MAML3: variants seen among roughly 807,000 people sequenced by gnomAD.
MAML3 encodes the protein mastermind like transcriptional coactivator 3, also known as mastermind-like protein 3.
A neutral mutation model predicts 101.9 loss-of-function variants in MAML3; 27 were observed. The ratio of observed to expected loss-of-function variants is 0.27; its 90% CI spans 0.20 to 0.37. The LOEUF is 0.37. MAML3 is among the 10% of genes least tolerant of loss of function. MAML3 has a pLI of 1.00. For synonymous variants in MAML3, 501 were observed against 555.9 expected, an observed-to-expected ratio of 0.90 and a Z score of 1.39; for missense variants, 1,316 against 1,444.9, an observed-to-expected ratio of 0.91 and a Z score of 1.45.
At chr4:140,053,577 A>T (rs987986732) in intron 1 of MAML3, among the ~76,000 whole-genome samples, 1 of 152,178 alleles carries the variant, frequency 6.6e-6, no homozygotes, top group Non-Finnish European at 1.5e-5. Context: ...AACAAAACCA[A>T]ACATGGTAAC....
At chr4:139,895,888 C>T (rs1732595998) in intron 1 of MAML3, among the ~76,000 whole-genome samples, 1 of 152,212 alleles carries the variant, frequency 6.6e-6, no homozygotes, top group Admixed American at 6.5e-5. Flanking sequence ...GCCTAAAGTT[C>T]TCCACTGCAT....
chr4:140,129,266 T>C (rs184855902), intron 1 of MAML3, among the ~76,000 whole-genome samples: 3 of 152,296 alleles, frequency 2.0e-5, no homozygotes, highest in Admixed American at 1.3e-4. Flanking sequence ...AGCCCCCTTC[T>C]AGGCCATGAC....
intron 1 of MAML3, among the ~76,000 whole-genome samples, chr4:140,092,456 C>T (rs1163622098): frequency 2.0e-5 from 3 of 152,064 alleles, no homozygotes; most frequent in African/African-American, 7.2e-5. Flanking sequence ...ACCGAGAAGC[C>T]CTCCTCCAAT....
At chr4:140,141,657 C>A (rs2111054584) in intron 1 of MAML3, among the ~76,000 whole-genome samples, 1 of 152,306 alleles carries the variant, frequency 6.6e-6, no homozygotes, top group Non-Finnish European at 1.5e-5. Context: ...AGTAAAACCT[C>A]TTTAAGGGCC....
chr4:139,939,809 G>C (rs1449574646), intron 1 of MAML3, among the ~76,000 whole-genome samples: 1 of 145,110 alleles, frequency 6.9e-6, no homozygotes, highest in African/African-American at 2.6e-5. Flanking sequence ...CTATCATCCA[G>C]GCTGGAGTGC....
intron 2 of MAML3, among the ~76,000 whole-genome samples, chr4:139,861,363 C>G (rs1422062673): frequency 1.3e-5 from 2 of 152,078 alleles, no homozygotes; most frequent in East Asian, 3.9e-4. Flanking sequence ...TAATTTTTCT[C>G]TCTGCTCCTC....
At chr4:140,067,056 A>G (rs1727548721) in intron 1 of MAML3, among the ~76,000 whole-genome samples, 1 of 152,186 alleles carries the variant, frequency 6.6e-6, no homozygotes, top group South Asian at 2.1e-4. Flanking sequence ...CCTGAATAAT[A>G]CATTTTGGCA....
At chr4:140,047,300 G>C (rs1727198516) in intron 1 of MAML3, among the ~76,000 whole-genome samples, 1 of 152,214 alleles carries the variant, frequency 6.6e-6, no homozygotes, top group African/African-American at 2.4e-5. Flanking sequence ...AGGGATTTGT[G>C]CTTGGCTGGC....
chr4:139,866,167 G>A (rs529150601), intron 2 of MAML3, among the ~76,000 whole-genome samples: 4 of 152,324 alleles, frequency 2.6e-5, no homozygotes, highest in African/African-American at 9.6e-5. Context: ...GGCCACGAAG[G>A]TATACTTGTC....
intron 2 of MAML3, among the ~76,000 whole-genome samples, chr4:139,772,048 G>T (rs1351418298): frequency 2.7e-4 from 41 of 151,076 alleles, no homozygotes; most frequent in Non-Finnish European, 5.0e-4. Flanking sequence ...GACCATCCTG[G>T]CTAACACGGT....
intron 1 of MAML3, among the ~76,000 whole-genome samples, chr4:140,094,493 T>C (rs1285506988): frequency 6.6e-6 from 1 of 152,220 alleles, no homozygotes; most frequent in Non-Finnish European, 1.5e-5. Context: ...AACTCGGATT[T>C]GTCCTCACTC....
In MAML3 at chr4:140,153,249, C is replaced by T. The variant is rs1279239112; in HGVS notation, c.79G>A (p.Gly27Ser). ...CINSSLNSSL[G>S]GAGIGVNNTP... is the part of the protein sequence containing the mutation. ...TTATTCACACCGATCCCGGCCCCGC[C>T]GAGGCTGCTGTTCAGGCTACTGTTG... Residue 27 changes from glycine (G) to serine (S), a missense_variant, in exon 1 of 5, where the codon GGC becomes AGC. Coordinates refer to ENST00000509479, the MANE Select transcript of MAML3 (RefSeq NM_018717.5). 2.5e-6 allele frequency: 4 copies of T among 1,603,454 alleles called. No individual in the cohort carries two copies. Among genetic ancestry groups the T allele is most frequent in the Non-Finnish European group, 3.4e-6 (4 of 1,175,112 alleles).
intron 1 of MAML3, among the ~76,000 whole-genome samples, chr4:140,145,878 C>CTTTTTTTTTTTTTTTTTTTTTTT (rs10625860): frequency 9.2e-6 from 1 of 108,496 alleles, no homozygotes; most frequent in African/African-American, 3.5e-5. Context: ...TTTCTTTTTT[C>CTTTTTTTTTTTTTTTTTTTTTTT]TTTTTTTTTT....
chr4:140,105,566 T>C (rs7655497), intron 1 of MAML3, among the ~76,000 whole-genome samples: 18,759 of 152,194 alleles, frequency 0.12, 2,225 homozygotes, highest in African/African-American at 0.31. Flanking sequence ...AGGATTATTC[T>C]CTACAGGGCA....
intron 1 of MAML3, among the ~76,000 whole-genome samples, chr4:139,991,322 A>C (rs1734667338): frequency 6.6e-6 from 1 of 152,192 alleles, no homozygotes; most frequent in Admixed American, 6.5e-5. Flanking sequence ...TATTTAATAA[A>C]CGGTGCTGGG....
rs575164970 is a variant in MAML3 at position 139,884,912 on chromosome 4, AGT to A, written c.2079+4443_2079+4444del. Reference sequence around the variant, plus strand: ...TAGGCACTATGCAAAAATCAGCTAAAGTGTGTGTGTAAGAGAGAAGAGAGAGA... The same window carrying A: ...TAGGCACTATGCAAAAATCAGCTAAAGTGTGTGTAAGAGAGAAGAGAGAGA... On this transcript the variant is annotated intron_variant, in intron 2 of 4. Coordinates refer to ENST00000509479, the MANE Select transcript of MAML3 (RefSeq NM_018717.5). Among the ~76,000 whole-genome samples the A allele has an allele frequency of 9.2e-5, 14 of 152,346 alleles. No individual in the cohort carries two copies. In the East Asian group the frequency reaches 2.7e-3, roughly 29 times the overall value.
At chr4:139,823,645 T>C (rs750313045) in intron 2 of MAML3, among the ~76,000 whole-genome samples, 1 of 152,088 alleles carries the variant, frequency 6.6e-6, no homozygotes, top group Non-Finnish European at 1.5e-5. Flanking sequence ...TCATTCCGCC[T>C]TCCCTCACCC....
At chr4:139,998,477 C>T (rs1734860326) in intron 1 of MAML3, among the ~76,000 whole-genome samples, 1 of 152,158 alleles carries the variant, frequency 6.6e-6, no homozygotes. Context: ...AGCTGGTCTG[C>T]CTTTCCTCAA....
intron 1 of MAML3, among the ~76,000 whole-genome samples, chr4:139,895,628 T>C (rs1732592659): frequency 6.6e-6 from 1 of 152,252 alleles, no homozygotes; most frequent in African/African-American, 2.4e-5. Context: ...GAATGCTTAC[T>C]GGATCTTCAA....
Sources: allele counts gnomAD v4.1 joint callset (sites outside exome capture counted in the v4.1 genomes callset), GRCh38; gene constraint gnomAD v4.1.1; transcripts MANE v1.5; gene names NCBI Gene and HGNC (gene_info 2026-07-23, HGNC 2026-07-21).